Variants in USP54 observed in about 807,000 individuals in gnomAD.
USP54 encodes ubiquitin carboxyl-terminal hydrolase 54.
A neutral mutation model predicts 170.5 loss-of-function variants in USP54; 87 were observed. The observed-to-expected ratio is 0.51, with a 90% CI of 0.43 to 0.61. The LOEUF is 0.61. Among genes scored for constraint, USP54 ranks in the 20% least tolerant of loss-of-function variants. USP54 has a pLI of 0.00. For synonymous variants in USP54, 655 were observed against 742.8 expected (o/e 0.88, Z 1.92); for missense variants, 1,786 against 2,047.8 (o/e 0.87, Z 2.47).
intron 1 of USP54, among the ~76,000 whole-genome samples, chr10:73,623,959 A>G (rs944426055): frequency 6.6e-6 from 1 of 151,944 alleles, no homozygotes; most frequent in African/African-American, 2.4e-5. Flanking sequence ...ACAGGAGTTC[A>G]GTAGAGCTTG....
At chr10:73,549,160 T>C (rs937135115) in intron 4 of USP54, among the ~76,000 whole-genome samples, 5 of 152,200 alleles carry the variant, frequency 3.3e-5, no homozygotes, top group South Asian at 2.1e-4. Context: ...ATCAGTCTCC[T>C]TTGCTGGTTC....
chr10:73,516,795 T>A lies in USP54; in HGVS notation c.3631A>T (p.Asn1211Tyr). ...GTTTCACCATTAGGCAGCCCAGAGT[T>A]TAAGGCAAGAGAAGAATGTTCAGTG... ...ESTEHSSLALNSGLPNGETSS... is the reference protein window; with the variant it reads ...ESTEHSSLALYSGLPNGETSS... The change falls in exon 20 of 24, where the codon AAC (asparagine) becomes TAC (tyrosine). Residue 1211 changes from asparagine to tyrosine, a missense_variant. Transcript: ENST00000687698. 1.2e-6 allele frequency: 2 copies of A among 1,614,196 alleles called. No individual in the cohort carries two copies. Among genetic ancestry groups the A allele is most frequent in the Non-Finnish European group, 1.7e-6 (2 of 1,180,018 alleles).
rs1410329651 is a variant in USP54 at position 73,498,622 on chromosome 10, A to T, written c.*7T>A. 1 of 1,520,630 alleles carries T rather than the reference A, an allele frequency of 6.6e-7. No homozygotes were observed. Among genetic ancestry groups the T allele is most frequent in the African/African-American group, 1.4e-5 (1 of 71,880 alleles). The allele number at this position is 1,520,630 out of a possible 1,614,324, so 94.2% of individuals were successfully genotyped here. A position where few individuals can be genotyped will look rare whatever the true frequency, so the allele number is the denominator to read the frequency against. On this transcript the variant is annotated 3_prime_UTR_variant, in exon 24 of 24. Coordinates refer to ENST00000687698, the MANE Select transcript of USP54 (RefSeq NM_001391956.1). ...GGTGTAGCTCCAGGAAAGGAAAGGA[A>T]TAACCTTTACCATTGACTGTGCTGC...
chr10:73,517,830 T>C, intron 19 of USP54, 83 bp from the exon 20 acceptor site: 1 of 1,454,382 alleles, frequency 6.9e-7, no homozygotes, highest in Non-Finnish European at 9.3e-7. Flanking sequence ...TCCATTCCCA[T>C]TTCTAGCTAT....
intron 1 of USP54, among the ~76,000 whole-genome samples, chr10:73,607,072 G>T (rs1244697596): frequency 6.6e-6 from 1 of 151,892 alleles, no homozygotes; most frequent in African/African-American, 2.4e-5. Context: ...CACTTTGGGA[G>T]GCCAAGGTAG....
At chr10:73,575,698 T>C in intron 2 of USP54, 23 bp from the exon 3 acceptor site, 1 of 1,527,800 alleles carries the variant, frequency 6.5e-7, no homozygotes, top group Non-Finnish European at 8.8e-7. Context: ...TGGAGAAGGA[T>C]TTGTGCCTTT....
chr10:73,623,215 T>C (rs1047481404), intron 1 of USP54, among the ~76,000 whole-genome samples: 10 of 151,896 alleles, frequency 6.6e-5, no homozygotes, highest in African/African-American at 2.4e-4. Context: ...AGACCTCGTC[T>C]CTACAAAAAA....
intron 16 of USP54, among the ~76,000 whole-genome samples, chr10:73,525,199 C>T (rs1425000204): frequency 2.0e-5 from 3 of 152,014 alleles, no homozygotes; most frequent in East Asian, 1.9e-4. Flanking sequence ...AGATATATAC[C>T]GCAATGGTAA....
chr10:73,545,409 C>G, intron 5 of USP54, 129 bp downstream of exon 5: 1 of 1,249,740 alleles, frequency 8.0e-7, no homozygotes, highest in South Asian at 1.5e-5. Context: ...CCTGAAAAAT[C>G]AGAGAAAACT....
chr10:73,526,416 T>G (rs527502335), intron 16 of USP54, among the ~76,000 whole-genome samples: 2 of 152,258 alleles, frequency 1.3e-5, no homozygotes, highest in Admixed American at 6.5e-5. Flanking sequence ...CTGGTTAATT[T>G]TTTGTATTTT....
intron 1 of USP54, among the ~76,000 whole-genome samples, chr10:73,576,732 T>C (rs1228637080): frequency 1.3e-5 from 2 of 152,194 alleles, no homozygotes; most frequent in African/African-American, 4.8e-5. Flanking sequence ...TTGGACATTG[T>C]GAATAAAGCA....
chr10:73,508,972 G>GTTTGT (rs2059707416), intron 20 of USP54, among the ~76,000 whole-genome samples: 1 of 133,564 alleles, frequency 7.5e-6, no homozygotes, highest in African/African-American at 2.8e-5. Flanking sequence ...GCCAGAACAT[G>GTTTGT]TTTTTTTTTT....
chr10:73,530,362 C>T lies in USP54; in HGVS notation c.1609G>A (p.Gly537Arg), dbSNP rs1311615318. 1.9e-6 allele frequency: 3 copies of T among 1,614,146 alleles called. No individual in the cohort carries two copies. The Admixed American group carries it at 5.0e-5, about 27-fold the overall frequency. The change falls in exon 14 of 24, where the codon GGA (glycine) becomes AGA (arginine). Residue 537 changes from glycine (G) to arginine (R), a missense_variant. Transcript: ENST00000687698. ...NVGSHCRGRG[G>R]DQPDKKPPRT... Reference sequence around the variant, plus strand: ...GGAGGTTTTTTGTCAGGCTGGTCTCCTCCTCTGCCCCTGCAGTGAGAGCCT... The same window carrying T: ...GGAGGTTTTTTGTCAGGCTGGTCTCTTCCTCTGCCCCTGCAGTGAGAGCCT...
intron 1 of USP54, among the ~76,000 whole-genome samples, chr10:73,582,334 G>C (rs2076993323): frequency 6.6e-6 from 1 of 152,100 alleles, no homozygotes; most frequent in East Asian, 1.9e-4. Context: ...TGCAAAGCCT[G>C]GGAACCCTTT....
Position 73,621,283 on chromosome 10 carries a change from A to G in USP54, c.-18+4284T>C, listed in dbSNP as rs914301542. 4.7e-5 allele frequency among the ~76,000 whole-genome samples: 7 copies of G among 150,004 alleles called. 2 individuals are homozygous for G. The highest frequency in any genetic ancestry group is 1.8e-4 in the African/African-American group (7 of 39,522). ...ATATATAAAAACATGTGACACATACATACATTTTTCTCAATATAAAAAAAC... is the reference window on the plus strand; with the variant it reads ...ATATATAAAAACATGTGACACATACGTACATTTTTCTCAATATAAAAAAAC... On this transcript the variant is annotated intron_variant, in intron 1 of 22. Transcript: ENST00000339859.
At chr10:73,614,561 CAAA>C (rs60519884) in intron 1 of USP54, among the ~76,000 whole-genome samples, 9 of 50,236 alleles carry the variant, frequency 1.8e-4, no homozygotes, top group South Asian at 5.5e-4. Context: ...ACTCCGTCTC[CAAA>C]AAAAAAAAAA....
At position 73,519,862 on chromosome 10, in the gene USP54, T is replaced by C. The variant is rs1454754006; in HGVS notation, c.2613A>G (p.Pro871=). ...AGGCTGAGGGCTGCGACGGCTGCTG[T>C]GGTGATTGCTGCTGCTGCATGCGAT... ...LQDRMQQQQS[P]QQPSQPSACL... is the part of the protein sequence containing the mutation. The change falls in exon 19 of 24, where the codon CCA becomes CCG. Residue 871 remains proline, a synonymous_variant. Coordinates refer to ENST00000687698, the MANE Select transcript of USP54 (RefSeq NM_001391956.1). 2 of 1,614,012 alleles carry C rather than the reference T, an allele frequency of 1.2e-6. No individual in the cohort carries two copies. Among genetic ancestry groups the C allele is most frequent in the Non-Finnish European group, 1.7e-6 (2 of 1,180,028 alleles).
intron 20 of USP54, among the ~76,000 whole-genome samples, chr10:73,515,046 A>T (rs2060838687): frequency 6.6e-6 from 1 of 152,090 alleles, no homozygotes; most frequent in African/African-American, 2.4e-5. Flanking sequence ...TCTCAGAAAA[A>T]AAAAAAAATG....
chr10:73,516,530 C>G lies in USP54; in HGVS notation c.3896G>C (p.Arg1299Thr), dbSNP rs150112870. 3.7e-6 allele frequency: 6 copies of G among 1,614,068 alleles called. No homozygotes were observed. Among genetic ancestry groups the G allele is most frequent in the Non-Finnish European group, 4.2e-6 (5 of 1,180,046 alleles). The part of the protein sequence containing the change: ...DSHTCVTYPE[R>T]NHILLHPHWN... Reference sequence around the variant, plus strand: ...ATGTGGATGCAAAAGGATGTGATTTCTCTCTGGATAGGTTACACACGTATG... The same window carrying G: ...ATGTGGATGCAAAAGGATGTGATTTGTCTCTGGATAGGTTACACACGTATG... Residue 1299 changes from arginine to threonine, a missense_variant, in exon 20 of 24, where the codon AGA (arginine) becomes ACA (threonine). By Grantham distance (71) the Arg-to-Thr change is moderately conservative. Coordinates refer to ENST00000687698, the MANE Select transcript of USP54 (RefSeq NM_001391956.1).
Sources: allele counts gnomAD v4.1 joint callset (sites outside exome capture counted in the v4.1 genomes callset), GRCh38; gene constraint gnomAD v4.1.1; transcripts MANE v1.5; gene names NCBI Gene and HGNC (gene_info 2026-07-23, HGNC 2026-07-21).